DNAH8: variants seen among roughly 807,000 people sequenced by gnomAD.
The protein encoded by DNAH8 is axonemal beta dynein heavy chain 8.
Under a neutral mutation model 562.1 loss-of-function variants are expected in DNAH8, and 382 were observed. The observed-to-expected ratio is 0.68, with a 90% CI of 0.63 to 0.74. DNAH8 has a LOEUF of 0.74. Ranked by LOEUF, DNAH8 falls within the 30% of genes least tolerant of loss-of-function variation. The pLI, the probability that DNAH8 is intolerant of heterozygous loss-of-function variation, is 0.00. For synonymous variants in DNAH8, 1,881 were observed against 1,919.4 expected (o/e 0.98, Z 0.52); for missense variants, 5,203 against 5,620.4 (o/e 0.93, Z 2.37).
At chr6:38,995,641 C>T (rs1227308228) in intron 88 of DNAH8, among the ~76,000 whole-genome samples, 1 of 152,210 alleles carries the variant, frequency 6.6e-6, no homozygotes, top group Admixed American at 6.5e-5. Flanking sequence ...TTCACAAAGA[C>T]ATGCAAACTA....
rs549097838 is a variant in DNAH8, at chr6:39,025,223, T to C, written c.13715-1323T>C. Among the ~76,000 whole-genome samples, 253 of 152,186 alleles carry C rather than the reference T, an allele frequency of 1.7e-3. 6 individuals are homozygous for C. Among genetic ancestry groups the C allele is most frequent in the Non-Finnish European group, 2.4e-4 (16 of 68,014 alleles). On this transcript the variant is annotated intron_variant, in intron 91 of 92. Coordinates refer to ENST00000327475, the MANE Select transcript of DNAH8 (RefSeq NM_001206927.2). Reference sequence around the variant, plus strand: ...CAAACTCCTATGTAGCTCTCAAGAGTCATCTTCCACTTCATCTTCTCAATT... The same window carrying C: ...CAAACTCCTATGTAGCTCTCAAGAGCCATCTTCCACTTCATCTTCTCAATT...
chr6:38,940,629 T>C (rs547652097), intron 79 of DNAH8, among the ~76,000 whole-genome samples: 4 of 152,162 alleles, frequency 2.6e-5, no homozygotes, highest in Non-Finnish European at 5.9e-5. Flanking sequence ...CACTGGCTCT[T>C]AAAAGTTACC....
intron 39 of DNAH8, among the ~76,000 whole-genome samples, chr6:38,852,048 G>A (rs533402999): frequency 4.6e-5 from 7 of 152,232 alleles, no homozygotes; most frequent in East Asian, 1.9e-4. Flanking sequence ...TTATTAAATC[G>A]AATTTATCAT....
At chr6:38,903,516 T>C (rs1780217663) in intron 62 of DNAH8, among the ~76,000 whole-genome samples, 1 of 152,120 alleles carries the variant, frequency 6.6e-6, no homozygotes, top group Non-Finnish European at 1.5e-5. Context: ...CCTCCAACAT[T>C]GGTGGTTACA....
intron 68 of DNAH8, among the ~76,000 whole-genome samples, chr6:38,915,827 A>G (rs1392690611): frequency 7.7e-5 from 11 of 142,810 alleles, no homozygotes; most frequent in Non-Finnish European, 1.5e-5. Context: ...TTCAACCTCT[A>G]TATATAATAC....
chr6:39,013,548 G>T (rs1320058940), intron 91 of DNAH8, among the ~76,000 whole-genome samples: 1 of 152,204 alleles, frequency 6.6e-6, no homozygotes, highest in African/African-American at 2.4e-5. Flanking sequence ...AAGGAGGGCA[G>T]TGATTAGAAA....
chr6:38,993,254 C>T (rs1381794950), intron 88 of DNAH8, among the ~76,000 whole-genome samples: 1 of 152,146 alleles, frequency 6.6e-6, no homozygotes. Context: ...CCACTACCAG[C>T]AACAAACCTA....
At chr6:38,895,137 C>A (rs555095481) in intron 59 of DNAH8, among the ~76,000 whole-genome samples, 103 of 152,162 alleles carry the variant, frequency 6.8e-4, no homozygotes, top group Admixed American at 1.6e-3. Flanking sequence ...TGGGGTTTCT[C>A]CATGTTGATC....
At chr6:38,796,841 C>T (rs900552735) in intron 21 of DNAH8, among the ~76,000 whole-genome samples, 1 of 152,134 alleles carries the variant, frequency 6.6e-6, no homozygotes, top group Non-Finnish European at 1.5e-5. Context: ...AAAGCCCTTT[C>T]CCTCCACAAC....
chr6:38,788,341 G>T (rs1268388174), intron 18 of DNAH8, among the ~76,000 whole-genome samples: 2 of 151,936 alleles, frequency 1.3e-5, no homozygotes, highest in Non-Finnish European at 2.9e-5. Flanking sequence ...TAGTAGAGAC[G>T]GGGTTTCACC....
At position 38,894,881 on chromosome 6, in the gene DNAH8, T is replaced by C. The variant is rs1481463016; in HGVS notation, c.8747+17T>C. ...TGCAGACAGGTGCGTGTTGCGGCAC[T>C]AGAGTTTAAATGTATGACCTGAGAA... On this transcript the variant is annotated intron_variant, in intron 59 of 92. Transcript: ENST00000327475. 6.2e-7 allele frequency: 1 copy of C among 1,606,912 alleles called. No homozygotes were observed.
intron 10 of DNAH8, among the ~76,000 whole-genome samples, chr6:38,758,933 G>C (rs1342472163): frequency 6.6e-6 from 1 of 152,114 alleles, no homozygotes; most frequent in East Asian, 1.9e-4. Context: ...CGGTTTGCCA[G>C]TATTTTATTG....
intron 4 of DNAH8, among the ~76,000 whole-genome samples, chr6:38,731,372 G>A (rs1278953931): frequency 1.3e-5 from 2 of 151,846 alleles, no homozygotes. Flanking sequence ...ATTCTATAGT[G>A]GCTGTTTAAT....
rs766775857 is a variant in DNAH8 at position 38,828,209 on chromosome 6, T to C, written c.4109T>C (p.Phe1370Ser). ...GAAGCCTATGCTATTTTAAACAGAT[T>C]TGAAGTTGAAGTAACCAAAGAAGAA... ...IEEAYAILNR[F>S]EVEVTKEESE... The change falls in exon 30 of 93, where the codon TTT becomes TCT. Residue 1370 changes from phenylalanine (F) to serine (S), a missense_variant. By Grantham distance (155) the Phe-to-Ser change is radical. Transcript: ENST00000327475. 6.3e-7 allele frequency: 1 copy of C among 1,594,966 alleles called. No homozygotes were observed. The highest frequency in any genetic ancestry group is 8.5e-7 in the Non-Finnish European group (1 of 1,172,348).
chr6:38,964,509 A>T (rs1345811392), intron 82 of DNAH8, among the ~76,000 whole-genome samples: 1 of 151,156 alleles, frequency 6.6e-6, no homozygotes, highest in Non-Finnish European at 1.5e-5. Flanking sequence ...GCTGTATCCA[A>T]ACTATTCTCC....
chr6:38,857,365 G>T (rs1161176188), intron 41 of DNAH8, among the ~76,000 whole-genome samples, 153 bp from the exon 42 acceptor site: 1 of 152,154 alleles, frequency 6.6e-6, no homozygotes, highest in Non-Finnish European at 1.5e-5. Flanking sequence ...AATATTAACG[G>T]TTAAAACTTT....
rs775157431 is a variant in DNAH8, at chr6:38,911,502, T to C, written c.9775T>C (p.Tyr3259His). The change falls in exon 66 of 93, where the codon TAC (tyrosine) becomes CAC (histidine). Residue 3259 changes from tyrosine to histidine, a missense_variant. Physicochemically the swap from Tyr to His is moderately conservative, Grantham distance 83. Around this residue, in one of 6 missense-constraint regions of DNAH8, gnomAD observed 977 missense variants for 1,061.8 expected, o/e 0.92. Coordinates refer to ENST00000327475, the MANE Select transcript of DNAH8 (RefSeq NM_001206927.2). Reference sequence around the variant, plus strand: ...AAGAGCACATGTGACTCCCAAATCTTACCTCTCATTTATAAATGGTTATAA... The same window carrying C: ...AAGAGCACATGTGACTCCCAAATCTCACCTCTCATTTATAAATGGTTATAA... ...RRRAHVTPKS[Y>H]LSFINGYKNI... The C allele has an allele frequency of 6.2e-7, 1 of 1,613,894 alleles. No homozygotes were observed. The highest frequency in any genetic ancestry group is 1.1e-5 in the South Asian group (1 of 91,068).
intron 10 of DNAH8, among the ~76,000 whole-genome samples, chr6:38,757,283 A>G (rs1204171920): frequency 1.3e-3 from 192 of 144,416 alleles, no homozygotes; most frequent in East Asian, 2.3e-3. Context: ...GATGATGAGC[A>G]TTTTTTCATG....
chr6:38,828,277 C>T lies in DNAH8; in HGVS notation c.4177C>T (p.Gln1393Ter), dbSNP rs745689828. ...DTLRYSFNKL[Q>*]SKAVSVQEDL... The stretch of plus-strand genomic sequence containing the variant: ...CTTAAGATATTCTTTCAACAAATTG[C>T]AGAGCAAAGCTGTAAGTATGAATTT... Residue 1393 changes from glutamine to a stop codon, truncating the protein, a stop_gained, in exon 30 of 93, where the codon CAG (glutamine) becomes TAG (stop). Coordinates refer to ENST00000327475, the MANE Select transcript of DNAH8 (RefSeq NM_001206927.2). LOFTEE classifies it high-confidence loss of function. The T allele has an allele frequency of 1.9e-6, 3 of 1,555,476 alleles. No individual in the cohort carries two copies. Among genetic ancestry groups the T allele is most frequent in the Admixed American group, 2.0e-5 (1 of 51,166 alleles).
Sources: allele counts gnomAD v4.1 joint callset (sites outside exome capture counted in the v4.1 genomes callset), GRCh38; gene constraint gnomAD v4.1.1; regional missense constraint gnomAD v4.1.1; transcripts MANE v1.5; gene names NCBI Gene and HGNC (gene_info 2026-07-23, HGNC 2026-07-21).